Variants in FGF13 observed in about 807,000 individuals in gnomAD.
FGF13 encodes the protein fibroblast growth factor homologous factor 2.
Under a neutral mutation model 19.5 loss-of-function variants are expected in FGF13, and 2 were observed. The observed-to-expected ratio is 0.10, with a 90% CI of 0.04 to 0.32. The LOEUF is 0.32. Ranked by LOEUF, FGF13 falls within the 10% of genes least tolerant of loss-of-function variation. FGF13 has a pLI of 1.00. For missense variants in FGF13, 113 were observed against 192.7 expected (o/e 0.59, Z 2.45); for synonymous variants, 72 against 76.9 (o/e 0.94, Z 0.33).
intron 1 of FGF13, among the ~76,000 whole-genome samples, chrX:139,168,890 C>A (rs796524060): frequency 8.9e-6 from 1 of 112,018 alleles, no homozygotes; most frequent in South Asian, 3.7e-4. Context: ...TGTTGTTGAA[C>A]TGAGAGGCAT....
chrX:138,797,668 C>T (rs1014807255), intron 3 of FGF13, among the ~76,000 whole-genome samples: 7 of 111,395 alleles, frequency 6.3e-5, no homozygotes, highest in Admixed American at 4.7e-4. Context: ...GCCATTTTCA[C>T]GATATTGACT....
At chrX:139,036,822 A>T (rs1603146950) in intron 1 of FGF13, among the ~76,000 whole-genome samples, 1 of 110,444 alleles carries the variant, frequency 9.1e-6, no homozygotes, top group East Asian at 2.9e-4. Context: ...GTGCAGGGGA[A>T]CTCTTTTTAA....
chrX:139,167,859 AAAGTAT>A (rs1286077370), intron 1 of FGF13, among the ~76,000 whole-genome samples: 2 of 112,470 alleles, frequency 1.8e-5, no homozygotes, highest in Non-Finnish European at 3.8e-5. Flanking sequence ...TTCAAACAGT[AAAGTAT>A]AAGTGCTGTG....
At chrX:139,127,910 G>A (rs1486227945) in intron 1 of FGF13, among the ~76,000 whole-genome samples, 1 of 110,594 alleles carries the variant, frequency 9.0e-6, no homozygotes, top group African/African-American at 3.3e-5. Flanking sequence ...TGTCGCTTTA[G>A]AACCTCACCC....
At position 138,625,701 on chromosome X, in the gene FGF13, A is replaced by T. The variant is rs2089057026; in HGVS notation, c.*7149T>A. 1 of 107,705 alleles carries T rather than the reference A, an allele frequency of 9.3e-6. No homozygotes were observed. The highest frequency in any genetic ancestry group is 3.4e-5 in the African/African-American group (1 of 29,692). The allele number at this position is 107,705 out of a possible 1,213,427, so 8.9% of individuals were successfully genotyped here. A position where few individuals can be genotyped will look rare whatever the true frequency, so the allele number is the denominator to read the frequency against. ...TAAAAAGTTGAACTAATGGAAACAG[A>T]GAGTTGAATGGTGGTTACCAGGGTC... On this transcript the variant is annotated 3_prime_UTR_variant, in exon 5 of 5. Coordinates refer to ENST00000315930, the MANE Select transcript of FGF13 (RefSeq NM_004114.5).
At chrX:138,882,779 A>G (rs1261577621) in intron 1 of FGF13, among the ~76,000 whole-genome samples, 1 of 111,760 alleles carries the variant, frequency 8.9e-6, no homozygotes, top group Non-Finnish European at 1.9e-5. Flanking sequence ...TCTTGCATGG[A>G]AACTCAATAC....
At chrX:139,125,924 T>C (rs1239063288) in intron 1 of FGF13, among the ~76,000 whole-genome samples, 1 of 111,961 alleles carries the variant, frequency 8.9e-6, no homozygotes, top group Non-Finnish European at 1.9e-5. Context: ...CCTCAACCCC[T>C]GCTACCAGTG....
chrX:138,856,423 C>T (rs973886678), downstream of FGF13, among the ~76,000 whole-genome samples: 2 of 111,762 alleles, frequency 1.8e-5, no homozygotes, highest in African/African-American at 6.5e-5. Context: ...TTTATTTACT[C>T]ACCGAATTTT....
At chrX:138,718,066 G>A (rs1373664283) in intron 1 of FGF13, among the ~76,000 whole-genome samples, 1 of 112,422 alleles carries the variant, frequency 8.9e-6, no homozygotes, top group African/African-American at 3.2e-5. Context: ...CAAATGGGTT[G>A]CTTCAGTGGT....
chrX:139,114,303 T>G (rs2083624159), intron 1 of FGF13, among the ~76,000 whole-genome samples: 1 of 112,408 alleles, frequency 8.9e-6, no homozygotes, highest in Non-Finnish European at 1.9e-5. Flanking sequence ...AGGAGGCAAC[T>G]GTTCAAACAC....
At position 138,831,925 on chromosome X, in the gene FGF13, C is replaced by A. The variant is rs185021748; in HGVS notation, c.217+25587G>T. Among the ~76,000 whole-genome samples the A allele has an allele frequency of 2.9e-3, 318 of 111,547 alleles. 1 individual carries two copies. The highest frequency in any genetic ancestry group is 9.1e-3 in the African/African-American group (279 of 30,697). On this transcript the variant is annotated intron_variant, in intron 3 of 6. Transcript: ENST00000436198. ...GCTCCCACTTATAAGTGAGAACATG[C>A]AGTATTTAGTATTTGGTTTTCTGCT...
intron 1 of FGF13, among the ~76,000 whole-genome samples, chrX:138,957,932 C>T (rs934709226): frequency 5.4e-5 from 6 of 111,891 alleles, no homozygotes; most frequent in African/African-American, 9.8e-5. Flanking sequence ...TGTGCTGAGA[C>T]GATGGGGTTT....
chrX:138,828,109 G>A (rs2124080510), intron 3 of FGF13, among the ~76,000 whole-genome samples: 1 of 111,945 alleles, frequency 8.9e-6, no homozygotes, highest in South Asian at 3.7e-4. Context: ...GGCACTAGGA[G>A]AAAACGATAT....
chrX:138,768,116 T>C (rs1411475982), intron 3 of FGF13, among the ~76,000 whole-genome samples: 1 of 112,191 alleles, frequency 8.9e-6, no homozygotes, highest in Non-Finnish European at 1.9e-5. Flanking sequence ...GGGGGCAGCA[T>C]CATGAAAGTC....
At chrX:138,666,146 T>C (rs1421331138) in intron 3 of FGF13, among the ~76,000 whole-genome samples, 2 of 111,395 alleles carry the variant, frequency 1.8e-5, no homozygotes, top group African/African-American at 6.5e-5. Flanking sequence ...TGAATGATGG[T>C]AGTCTAGACT....
intron 1 of FGF13, among the ~76,000 whole-genome samples, chrX:138,947,350 T>C (rs2091786745): frequency 8.9e-6 from 1 of 111,859 alleles, no homozygotes; most frequent in Non-Finnish European, 1.9e-5. Context: ...CATGAATTTA[T>C]AGTCAGACAG....
intron 1 of FGF13, among the ~76,000 whole-genome samples, chrX:139,151,129 G>T (rs1418894337): frequency 2.7e-5 from 3 of 111,061 alleles, no homozygotes; most frequent in African/African-American, 9.8e-5. Context: ...TATTACAATG[G>T]TTTTTGGCTC....
upstream of FGF13, among the ~76,000 whole-genome samples, chrX:138,743,832 A>G (rs1354458389): frequency 1.8e-5 from 2 of 110,928 alleles, no homozygotes; most frequent in Non-Finnish European, 3.8e-5. Flanking sequence ...GAAACTCACT[A>G]AGAGAGGTGA....
At chrX:138,714,551 AT>A (rs1388254260), upstream of FGF13, among the ~76,000 whole-genome samples, 1 of 111,321 alleles carries the variant, frequency 9.0e-6, no homozygotes, top group Non-Finnish European at 1.9e-5. Context: ...AGCCTGAGGC[AT>A]GAGAATCGCT....
Sources: gnomAD v4.1 joint callset for allele counts (sites outside exome capture counted in the v4.1 genomes callset) on GRCh38, gnomAD v4.1.1 for gene constraint, MANE v1.5 for transcripts, NCBI Gene and HGNC (gene_info 2026-07-23, HGNC 2026-07-21) for gene names.